The following AGBL4 variants were observed in gnomAD, a reference collection of about 807,000 sequenced individuals.
AGBL4 encodes AGBL carboxypeptidase 4, also known as cytosolic carboxypeptidase 6.
In AGBL4, 58 loss-of-function variants were observed where a neutral mutation model predicts 66.4. The ratio of observed to expected loss-of-function variants is 0.87; its 90% CI spans 0.71 to 1.09. The LOEUF is 1.09. Among genes scored for constraint, AGBL4 ranks in the 50% least tolerant of loss-of-function variants. The pLI is 0.00. For missense variants in AGBL4, 579 were observed against 631.0 expected (o/e 0.92, Z 0.88); for synonymous variants, 234 against 222.9 (o/e 1.05, Z -0.44).
chr1:48,662,056 T>C (rs1416816793), intron 7 of AGBL4, among the ~76,000 whole-genome samples: 4 of 152,248 alleles, frequency 2.6e-5, no homozygotes. Context: ...TCTTCTCATC[T>C]GAAATAAAGA....
chr1:49,688,987 G>A (rs1052412868), intron 3 of AGBL4, among the ~76,000 whole-genome samples: 3 of 152,024 alleles, frequency 2.0e-5, no homozygotes, highest in Admixed American at 6.6e-5. Flanking sequence ...TGTCAGGTGG[G>A]TAGAGTTTGC....
At chr1:49,942,382 C>G (rs1654842617) in intron 1 of AGBL4, among the ~76,000 whole-genome samples, 1 of 151,938 alleles carries the variant, frequency 6.6e-6, no homozygotes, top group African/African-American at 2.4e-5. Flanking sequence ...ATAGCCAAAG[C>G]AAACTTGAGC....
intron 3 of AGBL4, among the ~76,000 whole-genome samples, chr1:49,343,282 C>T (rs1645576526): frequency 6.6e-6 from 1 of 152,012 alleles, no homozygotes; most frequent in African/African-American, 2.4e-5. Context: ...TCATGGAATC[C>T]CAAGAATTGA....
intron 9 of AGBL4, among the ~76,000 whole-genome samples, chr1:48,632,866 T>G (rs1192119500): frequency 6.6e-6 from 1 of 152,232 alleles, no homozygotes; most frequent in African/African-American, 2.4e-5. Flanking sequence ...AGATTCTTCC[T>G]GAGAAAATCA....
chr1:49,865,372 G>A (rs1437830147), intron 1 of AGBL4, among the ~76,000 whole-genome samples: 1 of 152,140 alleles, frequency 6.6e-6, no homozygotes, highest in Non-Finnish European at 1.5e-5. Flanking sequence ...GTGCCCCTCT[G>A]AAATGGAGCT....
chr1:49,185,931 A>G (rs1188657159), intron 4 of AGBL4, among the ~76,000 whole-genome samples: 1 of 152,084 alleles, frequency 6.6e-6, no homozygotes, highest in Non-Finnish European at 1.5e-5. Context: ...ATTAAAAATG[A>G]GTTGTGAACT....
At chr1:48,647,270 A>G (rs1339006230) in intron 8 of AGBL4, among the ~76,000 whole-genome samples, 1 of 152,190 alleles carries the variant, frequency 6.6e-6, no homozygotes, top group African/African-American at 2.4e-5. Context: ...CCACACTCCC[A>G]AGAAATACTG....
rs756507130 is a variant in AGBL4, at chr1:48,759,052, C to T, written c.635-95811G>A. On this transcript the variant is annotated intron_variant, in intron 6 of 13. Coordinates refer to ENST00000371839, the MANE Select transcript of AGBL4 (RefSeq NM_032785.4). Reference sequence around the variant, plus strand: ...CCGCTCCAGCTCCTGCTGGAGGTGGCGCATCTCTTCCTGTTGCTGCTGGTA... The same window carrying T: ...CCGCTCCAGCTCCTGCTGGAGGTGGTGCATCTCTTCCTGTTGCTGCTGGTA... The T allele has an allele frequency of 9.3e-6, 15 of 1,613,574 alleles. 1 individual carries two copies. Among genetic ancestry groups the T allele is most frequent in the Admixed American group, 6.7e-5 (4 of 59,900 alleles).
intron 3 of AGBL4, among the ~76,000 whole-genome samples, chr1:49,452,357 G>A (rs1169363447): frequency 6.6e-6 from 1 of 151,836 alleles, no homozygotes; most frequent in African/African-American, 2.4e-5. Context: ...ATATCATACT[G>A]TGCTTAAAAC....
intron 3 of AGBL4, among the ~76,000 whole-genome samples, chr1:49,395,269 C>A (rs979545563): frequency 4.6e-5 from 7 of 152,010 alleles, no homozygotes; most frequent in Non-Finnish European, 7.4e-5. Context: ...TTGATCAGGG[C>A]ACTTACATAC....
At chr1:48,995,254 T>A (rs1225327494) in intron 5 of AGBL4, among the ~76,000 whole-genome samples, 2 of 152,206 alleles carry the variant, frequency 1.3e-5, no homozygotes, top group African/African-American at 4.8e-5. Flanking sequence ...CTTGGTTAGG[T>A]ACCTGTTTTG....
At chr1:49,736,538 A>C (rs906359722) in intron 2 of AGBL4, among the ~76,000 whole-genome samples, 1 of 152,148 alleles carries the variant, frequency 6.6e-6, no homozygotes, top group Non-Finnish European at 1.5e-5. Flanking sequence ...ATGTTTAGAC[A>C]AACAAAAATT....
intron 5 of AGBL4, among the ~76,000 whole-genome samples, chr1:48,931,013 CTAATT>C (rs1184126688): frequency 6.6e-6 from 1 of 152,098 alleles, no homozygotes; most frequent in Admixed American, 6.5e-5. Flanking sequence ...TTTATATAGT[CTAATT>C]TAATTCTCAG....
intron 3 of AGBL4, among the ~76,000 whole-genome samples, chr1:49,318,639 A>G (rs1335839224): frequency 2.0e-5 from 3 of 152,148 alleles, no homozygotes; most frequent in Non-Finnish European, 4.4e-5. Context: ...AAAATAAAGC[A>G]GGCTTATAAG....
At chr1:48,666,483 G>C (rs776567440) in intron 6 of AGBL4, among the ~76,000 whole-genome samples, 1 of 152,182 alleles carries the variant, frequency 6.6e-6, no homozygotes, top group Non-Finnish European at 1.5e-5. Context: ...TAAACAGCAG[G>C]TGTTTGAAGT....
chr1:48,903,026 G>A (rs970649034), intron 5 of AGBL4, among the ~76,000 whole-genome samples: 1 of 152,108 alleles, frequency 6.6e-6, no homozygotes, highest in African/African-American at 2.4e-5. Flanking sequence ...TCACCTCCTT[G>A]CCTGTGCATA....
intron 1 of AGBL4, among the ~76,000 whole-genome samples, chr1:49,858,271 T>C (rs1378827318): frequency 6.6e-6 from 1 of 152,074 alleles, no homozygotes. Context: ...TTACAAGAAA[T>C]AGTGGAAATG....
intron 1 of AGBL4, among the ~76,000 whole-genome samples, chr1:49,986,972 C>T (rs538858925): frequency 1.3e-5 from 2 of 152,090 alleles, no homozygotes; most frequent in Admixed American, 6.5e-5. Flanking sequence ...GGAGTGCCTA[C>T]CTAACATCAT....
chr1:49,230,518 CTTTG>C (rs959107859), intron 4 of AGBL4, among the ~76,000 whole-genome samples: 12 of 152,120 alleles, frequency 7.9e-5, no homozygotes, highest in Non-Finnish European at 1.8e-4. Context: ...GTCTCATCCG[CTTTG>C]TTTTTGTCAG....
Sources: gnomAD v4.1 joint callset for allele counts (sites outside exome capture counted in the v4.1 genomes callset) on GRCh38, gnomAD v4.1.1 for gene constraint, MANE v1.5 for transcripts, NCBI Gene and HGNC (gene_info 2026-07-23, HGNC 2026-07-21) for gene names.